Variants in KAZN observed in about 807,000 individuals in gnomAD.
KAZN encodes the protein kazrin.
A neutral mutation model predicts 87.4 loss-of-function variants in KAZN; 40 were observed. The ratio of observed to expected loss-of-function variants is 0.46; its 90% CI spans 0.36 to 0.60. The LOEUF (loss-of-function observed/expected upper bound fraction) is 0.60, where lower values mean the gene tolerates loss of function less well. Among genes scored for constraint, KAZN ranks in the 20% least tolerant of loss-of-function variants. The pLI, the probability that KAZN is intolerant of heterozygous loss-of-function variation, is 0.00. For synonymous variants in KAZN, 466 were observed against 458.3 expected (o/e 1.02, Z -0.22); for missense variants, 898 against 1,073.9 (o/e 0.84, Z 2.29).
intron 1 of KAZN, among the ~76,000 whole-genome samples, chr1:14,691,196 G>A (rs1416503664): frequency 6.6e-6 from 1 of 151,156 alleles, no homozygotes; most frequent in East Asian, 1.9e-4. Flanking sequence ...TTCAGGTGGG[G>A]AAAAAAAAAT....
At chr1:15,020,019 C>A (rs1670511087) in intron 2 of KAZN, among the ~76,000 whole-genome samples, 1 of 152,084 alleles carries the variant, frequency 6.6e-6, no homozygotes, top group Non-Finnish European at 1.5e-5. Context: ...AACCCAGGAC[C>A]AACCCCACAG....
At chr1:15,110,288 T>A (rs1641501576) in intron 13 of KAZN, among the ~76,000 whole-genome samples, 1 of 151,964 alleles carries the variant, frequency 6.6e-6, no homozygotes, top group Admixed American at 6.6e-5. Context: ...TATGTTTGTG[T>A]GTGTGTATAT....
chr1:14,232,209 TCAAAAG>T (rs1647925288), intron 2 of KAZN, among the ~76,000 whole-genome samples: 1 of 152,288 alleles, frequency 6.6e-6, no homozygotes, highest in South Asian at 2.1e-4. Context: ...CTTATTATAG[TCAAAAG>T]CAAAGAAACA....
intron 2 of KAZN, among the ~76,000 whole-genome samples, chr1:14,985,102 C>T (rs1230182908): frequency 6.6e-6 from 1 of 150,682 alleles, no homozygotes; most frequent in East Asian, 2.0e-4. Context: ...TGCCACTGCA[C>T]TCCAGCCTGG....
intron 1 of KAZN, among the ~76,000 whole-genome samples, chr1:14,012,126 G>C (rs961061405): frequency 2.6e-5 from 4 of 152,018 alleles, no homozygotes; most frequent in African/African-American, 9.7e-5. Context: ...GGACTTTTTT[G>C]TATGGTTGAA....
At chr1:14,926,007 T>G (rs1465393075) in intron 1 of KAZN, among the ~76,000 whole-genome samples, 1 of 152,208 alleles carries the variant, frequency 6.6e-6, no homozygotes, top group East Asian at 1.9e-4. Flanking sequence ...CAACTAAAGA[T>G]CTGTCATTCC....
intron 2 of KAZN, among the ~76,000 whole-genome samples, chr1:14,480,560 T>C (rs1424319041): frequency 6.8e-6 from 1 of 147,616 alleles, no homozygotes; most frequent in Non-Finnish European, 1.5e-5. Context: ...TATTTATGTA[T>C]ATTTATAAAC....
At chr1:14,904,114 C>A (rs146817249) in intron 1 of KAZN, among the ~76,000 whole-genome samples, 1 of 152,158 alleles carries the variant, frequency 6.6e-6, no homozygotes, top group African/African-American at 2.4e-5. Context: ...AGCAGACTCA[C>A]GTTCCAACCT....
At chr1:14,900,249 C>T (rs559354629) in intron 1 of KAZN, among the ~76,000 whole-genome samples, 87 of 152,198 alleles carry the variant, frequency 5.7e-4, no homozygotes, top group Non-Finnish European at 1.0e-3. Context: ...GCCATCATCA[C>T]CTGCCTGGAG....
At chr1:14,675,082 G>C (rs1470900633) in intron 1 of KAZN, among the ~76,000 whole-genome samples, 2 of 152,196 alleles carry the variant, frequency 1.3e-5, no homozygotes, top group African/African-American at 4.8e-5. Context: ...TCAGTCTCGT[G>C]GTGTTAGTTA....
rs1322167409 is a variant in KAZN at position 14,344,778 on chromosome 1, C to CT, written c.249+164187dup. Among the ~76,000 whole-genome samples, 5 of 152,232 alleles carry CT rather than the reference C, an allele frequency of 3.3e-5. 1 individual carries two copies. The East Asian group carries it at 7.7e-4, about 24-fold the overall frequency. On this transcript the variant is annotated intron_variant, in intron 2 of 16. Transcript: ENST00000636203. ...GAAAGACAAATTGTCAATAGGGTCT[C>CT]TACTAGTCAGGACTCAAGCTGACAA...
At chr1:14,050,244 G>A (rs189748830) in intron 1 of KAZN, among the ~76,000 whole-genome samples, 1 of 151,484 alleles carries the variant, frequency 6.6e-6, no homozygotes, top group Admixed American at 6.6e-5. Flanking sequence ...GTGTGGATGT[G>A]TGTGGGCATG....
chr1:14,469,581 C>T (rs964909125), intron 2 of KAZN, among the ~76,000 whole-genome samples: 3 of 152,150 alleles, frequency 2.0e-5, no homozygotes, highest in African/African-American at 7.2e-5. Context: ...TTGCCAGAGG[C>T]ATTATTTTGC....
chr1:14,494,073 C>T (rs554165964), intron 2 of KAZN, among the ~76,000 whole-genome samples: 5 of 152,104 alleles, frequency 3.3e-5, no homozygotes, highest in South Asian at 2.1e-4. Context: ...TTCAGAAGCA[C>T]GTATTTCCCC....
intron 2 of KAZN, among the ~76,000 whole-genome samples, chr1:14,251,709 C>A (rs1432884848): frequency 7.2e-6 from 1 of 139,000 alleles, no homozygotes; most frequent in Non-Finnish European, 1.5e-5. Flanking sequence ...AGTGCAGTGG[C>A]ATGATCATGG....
chr1:14,384,632 A>G (rs1557679843), intron 2 of KAZN, among the ~76,000 whole-genome samples: 1 of 152,258 alleles, frequency 6.6e-6, no homozygotes, highest in East Asian at 1.9e-4. Flanking sequence ...TGATTTAGGT[A>G]TATTGAACCA....
chr1:14,765,733 G>A (rs997245039), intron 1 of KAZN, among the ~76,000 whole-genome samples: 3 of 152,158 alleles, frequency 2.0e-5, no homozygotes, highest in East Asian at 1.9e-4. Flanking sequence ...TCAAGCCAAA[G>A]TCACCTGTTA....
Position 15,054,347 on chromosome 1 carries a change from C to G in KAZN, c.727-1744C>G, listed in dbSNP as rs141035424. Among the ~76,000 whole-genome samples, 809 of 152,112 alleles carry G rather than the reference C, an allele frequency of 5.3e-3. 11 individuals are homozygous for G. The highest frequency in any genetic ancestry group is 0.018 in the African/African-American group (742 of 41,502). On this transcript the variant is annotated intron_variant, in intron 4 of 14. Coordinates refer to ENST00000376030, the MANE Select transcript of KAZN (RefSeq NM_201628.3). ...CCTGTCTCCTCTGCCCTGTCATGAGCCCCCGGAGCCAATCAGAAGTAGAAA... is the reference window on the plus strand; with the variant it reads ...CCTGTCTCCTCTGCCCTGTCATGAGGCCCCGGAGCCAATCAGAAGTAGAAA...
chr1:14,006,718 C>T (rs1640053054), intron 1 of KAZN, among the ~76,000 whole-genome samples: 1 of 152,118 alleles, frequency 6.6e-6, no homozygotes, highest in South Asian at 2.1e-4. Flanking sequence ...CAGTACCATC[C>T]TGTTTTGATT....
Sources: gnomAD v4.1 joint callset for allele counts (sites outside exome capture counted in the v4.1 genomes callset) on GRCh38, gnomAD v4.1.1 for gene constraint, MANE v1.5 for transcripts, NCBI Gene and HGNC (gene_info 2026-07-23, HGNC 2026-07-21) for gene names.